The following SLIT2 variants were observed in gnomAD, a reference collection of about 807,000 sequenced individuals.
SLIT2 encodes slit guidance ligand 2.
In SLIT2, 41 loss-of-function variants were observed where a neutral mutation model predicts 185.7. The ratio of observed to expected loss-of-function variants is 0.22; its 90% CI spans 0.17 to 0.29. SLIT2 has a LOEUF of 0.29. Ranked by LOEUF, SLIT2 falls within the 10% of genes least tolerant of loss-of-function variation. The probability of loss-of-function intolerance (pLI) is 1.00; values close to 1 mark genes in which losing one functional copy is unlikely to be tolerated. For synonymous variants in SLIT2, 693 were observed against 680.2 expected, an observed-to-expected ratio of 1.02 and a Z score of -0.29; for missense variants, 1,571 against 1,909.0, an observed-to-expected ratio of 0.82 and a Z score of 3.30.
chr4:20,312,588 A>G lies in SLIT2; in HGVS notation c.395+43707A>G, dbSNP rs557536607. ...GAAGATCGAGACCATCCTGGCCAAC[A>G]TGGTGAAACCCCATATCTACTAAAA... On this transcript the variant is annotated intron_variant, in intron 4 of 36. Transcript: ENST00000504154. Among the ~76,000 whole-genome samples, 788 of 152,000 alleles carry G rather than the reference A, an allele frequency of 5.2e-3. 1 individual carries two copies. The highest frequency in any genetic ancestry group is 8.7e-3 in the Non-Finnish European group (592 of 67,970).
chr4:20,533,451 G>A (rs1721982301), intron 17 of SLIT2, 121 bp from the exon 18 acceptor site: 2 of 664,770 alleles, frequency 3.0e-6, no homozygotes, highest in East Asian at 2.7e-5. Flanking sequence ...CAGAGCCCTG[G>A]CAGTGCTGGG....
At chr4:20,376,141 T>A (rs1020392862) in intron 4 of SLIT2, among the ~76,000 whole-genome samples, 88 of 115,728 alleles carry the variant, frequency 7.6e-4, no homozygotes, top group African/African-American at 2.8e-3. Context: ...TTTTTTTTTT[T>A]ACAAATCTCT....
chr4:20,574,135 T>C (rs971406375), intron 29 of SLIT2, among the ~76,000 whole-genome samples: 1 of 151,786 alleles, frequency 6.6e-6, no homozygotes, highest in Non-Finnish European at 1.5e-5. Flanking sequence ...TTTGTATTTT[T>C]AGTAGAGACG....
chr4:20,315,589 G>A (rs1196183941), intron 4 of SLIT2, among the ~76,000 whole-genome samples: 2 of 152,024 alleles, frequency 1.3e-5, no homozygotes, highest in Non-Finnish European at 2.9e-5. Flanking sequence ...AGGAACACTT[G>A]ACTTTCTTCT....
At chr4:20,451,201 C>G (rs529807495) in intron 4 of SLIT2, among the ~76,000 whole-genome samples, 2 of 152,206 alleles carry the variant, frequency 1.3e-5, no homozygotes, top group Non-Finnish European at 2.9e-5. Context: ...TCCTGAAGTT[C>G]ATTCCACTGT....
rs140673520 is a variant in SLIT2, at chr4:20,401,997, G to A, written c.396-65755G>A. On this transcript the variant is annotated intron_variant, in intron 4 of 36. Coordinates refer to ENST00000504154, the MANE Select transcript of SLIT2 (RefSeq NM_004787.4). Reference sequence around the variant, plus strand: ...TTTTATTCTTTCTCATTTGATTGGCGATCCTTGAATACGTATTCCTCCTTT... The same window carrying A: ...TTTTATTCTTTCTCATTTGATTGGCAATCCTTGAATACGTATTCCTCCTTT... 1.5e-3 allele frequency among the ~76,000 whole-genome samples: 225 copies of A among 151,554 alleles called. 1 individual carries two copies. Among genetic ancestry groups the A allele is most frequent in the African/African-American group, 5.0e-3 (205 of 41,352 alleles).
chr4:20,409,513 A>G (rs989395145), intron 4 of SLIT2, among the ~76,000 whole-genome samples: 2 of 152,160 alleles, frequency 1.3e-5, no homozygotes, highest in Non-Finnish European at 2.9e-5. Context: ...GTTAGTGTGA[A>G]TAGGGCTTCA....
At chr4:20,335,192 C>T (rs931551049) in intron 4 of SLIT2, among the ~76,000 whole-genome samples, 2 of 152,064 alleles carry the variant, frequency 1.3e-5, no homozygotes, top group Non-Finnish European at 2.9e-5. Context: ...TGAATGGGGA[C>T]ACAGCCAAAC....
chr4:20,286,748 G>A lies in SLIT2; in HGVS notation c.395+17867G>A, dbSNP rs541460480. Among the ~76,000 whole-genome samples, 4 of 152,326 alleles carry A rather than the reference G, an allele frequency of 2.6e-5. No individual in the cohort carries two copies. The South Asian group carries it at 8.3e-4, about 32-fold the overall frequency. On this transcript the variant is annotated intron_variant, in intron 4 of 36. Coordinates refer to ENST00000504154, the MANE Select transcript of SLIT2 (RefSeq NM_004787.4). The stretch of plus-strand genomic sequence containing the variant: ...ACCTGGGAGGCAAAGGTTGCAGTGA[G>A]CTGAGATCGTGCCATTGCACTCCAG...
chr4:20,315,493 T>C (rs1252871159), intron 4 of SLIT2, among the ~76,000 whole-genome samples: 1 of 152,086 alleles, frequency 6.6e-6, no homozygotes, highest in Non-Finnish European at 1.5e-5. Flanking sequence ...AGATACTTTA[T>C]GAACATAGAG....
At chr4:20,458,996 G>A (rs1713395282) in intron 4 of SLIT2, among the ~76,000 whole-genome samples, 1 of 152,134 alleles carries the variant, frequency 6.6e-6, no homozygotes. Flanking sequence ...TTGTCAGTAA[G>A]TTATTGACAC....
chr4:20,478,923 C>A (rs971121448), intron 5 of SLIT2, among the ~76,000 whole-genome samples: 6 of 152,114 alleles, frequency 3.9e-5, no homozygotes, highest in Admixed American at 3.9e-4. Flanking sequence ...TTTCTTGGAA[C>A]CACAGCAGCC....
chr4:20,406,367 G>A lies in SLIT2; in HGVS notation c.396-61385G>A, dbSNP rs76304501. Among the ~76,000 whole-genome samples, 142 of 143,730 alleles carry A rather than the reference G, an allele frequency of 9.9e-4. 5 individuals are homozygous for A. Among genetic ancestry groups the A allele is most frequent in the African/African-American group, 3.2e-3 (131 of 41,140 alleles). 94.3% of individuals were successfully genotyped at this position (143,730 alleles called of 152,430 possible). On this transcript the variant is annotated intron_variant, in intron 4 of 36. Transcript: ENST00000504154. ...GATACTATTTCCTGAATAGGAGTGGGAGAAGGGATTTGTAATATATGTAAC... is the reference window on the plus strand; with the variant it reads ...GATACTATTTCCTGAATAGGAGTGGAAGAAGGGATTTGTAATATATGTAAC...
rs1314979115 is a variant in SLIT2, at chr4:20,528,240, C to T, written c.1463-709C>T. 2 of 533,782 alleles carry T rather than the reference C, an allele frequency of 3.7e-6. No individual in the cohort carries two copies. Among genetic ancestry groups the T allele is most frequent in the Admixed American group, 1.9e-5 (1 of 51,406 alleles). 33.1% of individuals were successfully genotyped at this position (533,782 alleles called of 1,614,324 possible). On this transcript the variant is annotated intron_variant, in intron 15 of 36. Transcript: ENST00000504154. The surrounding 1 kb of genome is among the most constrained non-coding windows in gnomAD (Gnocchi z 4.2). ...TTTTCTCCTCCTTCCCTCCATTTTC[C>T]TCTTGGTCTTACCTTTGGCCTAGTG... is the stretch of plus-strand genomic sequence containing the variant.
rs1057308443 is a variant in SLIT2 at position 20,541,340 on chromosome 4, A to G, written c.1977-113A>G. 8.3e-6 allele frequency: 7 copies of G among 844,266 alleles called. No homozygotes were observed. In the African/African-American group the frequency reaches 1.0e-4, roughly 12 times the overall value. The allele number at this position is 844,266 out of a possible 1,614,324, so 52.3% of individuals were successfully genotyped here. ...GTAAGAATGGGGACAGGGAATGCAA[A>G]GAAGAAGGAATCATTCCAGCGGAAA... On this transcript the variant is annotated intron_variant, in intron 19 of 36. Coordinates refer to ENST00000504154, the MANE Select transcript of SLIT2 (RefSeq NM_004787.4).
chr4:20,555,686 A>C (rs1416157449), intron 26 of SLIT2, among the ~76,000 whole-genome samples: 1 of 152,076 alleles, frequency 6.6e-6, no homozygotes, highest in Admixed American at 6.5e-5. Context: ...AATCTATTTC[A>C]TGGTGGTAAA....
chr4:20,575,389 A>G (rs987530487), intron 29 of SLIT2, among the ~76,000 whole-genome samples: 27 of 152,224 alleles, frequency 1.8e-4, no homozygotes, highest in African/African-American at 6.0e-4. Flanking sequence ...AAATAAAAAG[A>G]ATGTATATCA....
chr4:20,330,536 T>C (rs1387928761), intron 4 of SLIT2, among the ~76,000 whole-genome samples: 1 of 152,056 alleles, frequency 6.6e-6, no homozygotes, highest in Non-Finnish European at 1.5e-5. Context: ...TCATAGCATG[T>C]TTGCAAGGAA....
intron 1 of SLIT2, among the ~76,000 whole-genome samples, chr4:20,255,362 A>T (rs1245804353): frequency 1.3e-5 from 2 of 152,154 alleles, no homozygotes; most frequent in African/African-American, 2.4e-5. Context: ...CCCCAGCCTC[A>T]CTAGGTTACC....
Sources: gnomAD v4.1 joint callset for allele counts (sites outside exome capture counted in the v4.1 genomes callset) on GRCh38, gnomAD v4.1.1 for gene constraint, Gnocchi (gnomAD v3.1) non-coding constraint, MANE v1.5 for transcripts, NCBI Gene and HGNC (gene_info 2026-07-23, HGNC 2026-07-21) for gene names.